CRYBG1: variants seen among roughly 807,000 people sequenced by gnomAD.
The protein encoded by CRYBG1 is beta/gamma crystallin domain-containing protein 1.
Under a neutral mutation model 189.2 loss-of-function variants are expected in CRYBG1, and 139 were observed. That is an observed-to-expected ratio of 0.73 (90% CI 0.64 to 0.85). The LOEUF is 0.85. Ranked by LOEUF, CRYBG1 falls within the 40% of genes least tolerant of loss-of-function variation. The probability of loss-of-function intolerance (pLI) is 0.00; values close to 1 mark genes in which losing one functional copy is unlikely to be tolerated. For synonymous variants in CRYBG1, 1,023 were observed against 1,017.1 expected, an observed-to-expected ratio of 1.01 and a Z score of -0.11; for missense variants, 2,611 against 2,675.8, an observed-to-expected ratio of 0.98 and a Z score of 0.53.
intron 21 of CRYBG1, among the ~76,000 whole-genome samples, chr6:106,568,191 C>T (rs1774948516): frequency 6.6e-6 from 1 of 152,170 alleles, no homozygotes; most frequent in South Asian, 2.1e-4. Context: ...TGTGGACTAG[C>T]TCTTAAGAAC....
At chr6:106,409,766 A>G (rs888566045) in intron 1 of CRYBG1, among the ~76,000 whole-genome samples, 5 of 152,206 alleles carry the variant, frequency 3.3e-5, no homozygotes, top group African/African-American at 1.2e-4. Context: ...AAAAACAAGC[A>G]ATGGGGAAAG....
chr6:106,372,779 T>C (rs1424340933), intron 1 of CRYBG1, among the ~76,000 whole-genome samples: 1 of 152,244 alleles, frequency 6.6e-6, no homozygotes, highest in Non-Finnish European at 1.5e-5. Flanking sequence ...TTCCTTATTA[T>C]GTGACAGTTG....
At chr6:106,419,115 C>T (rs1771079653) in intron 1 of CRYBG1, among the ~76,000 whole-genome samples, 1 of 152,208 alleles carries the variant, frequency 6.6e-6, no homozygotes, top group African/African-American at 2.4e-5. Context: ...CCATGTTGAA[C>T]ATGCCTAGCT....
At chr6:106,529,033 T>A (rs1294021293) in intron 7 of CRYBG1, among the ~76,000 whole-genome samples, 1 of 151,912 alleles carries the variant, frequency 6.6e-6, no homozygotes, top group African/African-American at 2.4e-5. Context: ...AACTTCTGCC[T>A]CCCAGGGGTT....
At chr6:106,417,327 G>A (rs1771040226) in intron 1 of CRYBG1, among the ~76,000 whole-genome samples, 1 of 152,190 alleles carries the variant, frequency 6.6e-6, no homozygotes, top group African/African-American at 2.4e-5. Flanking sequence ...GGCATAAGAT[G>A]TAACGCTCAA....
chr6:106,456,517 G>A (rs932476056), intron 2 of CRYBG1, among the ~76,000 whole-genome samples: 1 of 152,100 alleles, frequency 6.6e-6, no homozygotes, highest in African/African-American at 2.4e-5. Flanking sequence ...TAGTATGTTT[G>A]CCAGTTTCTA....
intron 14 of CRYBG1, 59 bp from the exon 15 acceptor site, chr6:106,552,125 A>G: frequency 6.7e-7 from 1 of 1,497,418 alleles, no homozygotes; most frequent in Non-Finnish European, 9.1e-7. Flanking sequence ...GAAGAAAAAA[A>G]CTTTTTCAAT....
intron 3 of CRYBG1, among the ~76,000 whole-genome samples, chr6:106,516,480 C>T (rs1019035819): frequency 1.3e-5 from 2 of 152,022 alleles, no homozygotes; most frequent in Non-Finnish European, 2.9e-5. Flanking sequence ...GTGATCCACC[C>T]GCTTTGGCCT....
At chr6:106,406,393 G>A (rs373897004) in intron 1 of CRYBG1, among the ~76,000 whole-genome samples, 4 of 152,166 alleles carry the variant, frequency 2.6e-5, no homozygotes, top group East Asian at 1.9e-4. Context: ...AAGACCATAC[G>A]TACATTTGAT....
chr6:106,374,966 T>C (rs915584922), intron 1 of CRYBG1, among the ~76,000 whole-genome samples: 1 of 152,166 alleles, frequency 6.6e-6, no homozygotes, highest in South Asian at 2.1e-4. Flanking sequence ...AGATATTAAA[T>C]TTTGTTGTAG....
In CRYBG1 at chr6:106,540,690, CT is replaced by C. The variant is rs755066552; in HGVS notation, c.4846-885del. 1.8e-3 allele frequency among the ~76,000 whole-genome samples: 258 copies of C among 141,698 alleles called. 1 individual carries two copies. Among genetic ancestry groups the C allele is most frequent in the African/African-American group, 3.0e-3 (118 of 38,834 alleles). 93.0% of individuals were successfully genotyped at this position (141,698 alleles called of 152,430 possible). On this transcript the variant is annotated intron_variant, in intron 9 of 21. Transcript: ENST00000633556. ...ATAATATCAGCCACATTCCTTTTTCCTTTTTTTTTTTGCTTGTTTTTTCATA... is the reference window on the plus strand; with the variant it reads ...ATAATATCAGCCACATTCCTTTTTCCTTTTTTTTTTGCTTGTTTTTTCATA...
intron 2 of CRYBG1, among the ~76,000 whole-genome samples, chr6:106,498,416 C>T (rs1462610127): frequency 6.6e-6 from 1 of 152,056 alleles, no homozygotes; most frequent in Non-Finnish European, 1.5e-5. Flanking sequence ...GCCATAATCC[C>T]GAATGGGGTT....
chr6:106,387,998 G>T (rs1395427448), intron 1 of CRYBG1, among the ~76,000 whole-genome samples: 1 of 152,062 alleles, frequency 6.6e-6, no homozygotes, highest in East Asian at 1.9e-4. Context: ...AGTGTGCCAG[G>T]TTAGGGCATT....
At chr6:106,371,506 T>C (rs922116879) in intron 1 of CRYBG1, among the ~76,000 whole-genome samples, 1 of 152,328 alleles carries the variant, frequency 6.6e-6, no homozygotes, top group Admixed American at 6.5e-5. Flanking sequence ...GTGGTTGTTA[T>C]TATCAGCAAA....
At chr6:106,373,208 G>A (rs557347249) in intron 1 of CRYBG1, among the ~76,000 whole-genome samples, 2 of 152,216 alleles carry the variant, frequency 1.3e-5, no homozygotes, top group South Asian at 2.1e-4. Flanking sequence ...AAGTTAATGG[G>A]GCATTCTTGT....
At chr6:106,427,733 A>C (rs1398771194) in intron 1 of CRYBG1, among the ~76,000 whole-genome samples, 1 of 152,140 alleles carries the variant, frequency 6.6e-6, no homozygotes, top group South Asian at 2.1e-4. Context: ...CCTAAATGTG[A>C]TGGTGTTTTC....
Position 106,361,070 on chromosome 6 carries a change from C to G in CRYBG1, c.162C>G (p.Ala54=), listed in dbSNP as rs1420785591. Residue 54 remains alanine, a synonymous_variant, in exon 1 of 22, where the codon GCC becomes GCG. Coordinates refer to ENST00000633556, the MANE Select transcript of CRYBG1 (RefSeq NM_001371242.2). ...VFVPHPLPAP[A]GEARALDVVD... is the part of the protein sequence containing the mutation. Reference sequence around the variant, plus strand: ...TTCCGCACCCGCTCCCGGCGCCTGCCGGAGAGGCCAGGTGAGCTCCTCGCC... The same window carrying G: ...TTCCGCACCCGCTCCCGGCGCCTGCGGGAGAGGCCAGGTGAGCTCCTCGCC... 5.2e-6 allele frequency: 8 copies of G among 1,534,840 alleles called. No individual in the cohort carries two copies. Among genetic ancestry groups the G allele is most frequent in the Non-Finnish European group, 6.1e-6 (7 of 1,146,544 alleles).
intron 1 of CRYBG1, among the ~76,000 whole-genome samples, chr6:106,369,573 T>C (rs1445377543): frequency 1.3e-5 from 2 of 152,202 alleles, no homozygotes; most frequent in African/African-American, 2.4e-5. Flanking sequence ...AAGCTCATGA[T>C]AGTCTTTGGA....
In CRYBG1 at chr6:106,527,343, C is replaced by G. The variant is rs145300446; in HGVS notation, c.4451C>G (p.Ser1484Cys). ...GAGCAACCAAATTTTGAAGGGCACT[C>G]CATCCCCTTAGAAGAAGGAGAATTG... Reference protein sequence around the residue: ...LYEQPNFEGHSIPLEEGELEL... With the variant: ...LYEQPNFEGHCIPLEEGELEL... The change falls in exon 7 of 22, where the codon TCC becomes TGC. Residue 1484 changes from serine (S) to cysteine (C), a missense_variant. By Grantham distance (112) the Ser-to-Cys change is moderately radical (BLOSUM62 -1). This residue lies in a region of CRYBG1 where 1,622 missense variants were observed against 1,735.0 expected (regional missense o/e 0.93). Transcript: ENST00000633556. The G allele has an allele frequency of 3.1e-6, 5 of 1,612,892 alleles. No homozygotes were observed. The African/African-American group carries it at 6.7e-5, about 22-fold the overall frequency.
Sources: gnomAD v4.1 joint callset for allele counts (sites outside exome capture counted in the v4.1 genomes callset) on GRCh38, gnomAD v4.1.1 for gene constraint, gnomAD v4.1.1 regional missense constraint, MANE v1.5 for transcripts, NCBI Gene and HGNC (gene_info 2026-07-23, HGNC 2026-07-21) for gene names.